Variants in ZPBP observed in about 807,000 individuals in gnomAD.
The protein encoded by ZPBP is zona pellucida-binding protein 1.
A neutral mutation model predicts 44.8 loss-of-function variants in ZPBP; 26 were observed. The ratio of observed to expected loss-of-function variants is 0.58; its 90% CI spans 0.43 to 0.81. The LOEUF (loss-of-function observed/expected upper bound fraction) is 0.81, where lower values mean the gene tolerates loss of function less well. Ranked by LOEUF, ZPBP falls within the 30% of genes least tolerant of loss-of-function variation. The probability of loss-of-function intolerance (pLI) is 0.00; values close to 1 mark genes in which losing one functional copy is unlikely to be tolerated. For synonymous variants in ZPBP, 174 were observed against 153.2 expected (o/e 1.14, Z -1.00); for missense variants, 409 against 434.0 (o/e 0.94, Z 0.51).
chr7:49,847,107 G>A (rs986517990), downstream of ZPBP, among the ~76,000 whole-genome samples: 11 of 152,156 alleles, frequency 7.2e-5, no homozygotes, highest in African/African-American at 2.6e-4. Context: ...GCAAGCTGTA[G>A]AGAGGGACTT....
intron 6 of ZPBP, among the ~76,000 whole-genome samples, chr7:50,008,066 G>GA (rs1296125407): frequency 6.6e-6 from 1 of 151,740 alleles, no homozygotes; most frequent in African/African-American, 2.4e-5. Context: ...AACTATATAG[G>GA]AAAAAATAAA....
intron 7 of ZPBP, among the ~76,000 whole-genome samples, chr7:49,949,745 A>C (rs1055846890): frequency 6.6e-6 from 1 of 152,052 alleles, no homozygotes; most frequent in Non-Finnish European, 1.5e-5. Context: ...AGTTAATGCC[A>C]CTGTGTATTT....
chr7:49,990,671 A>G (rs1056022468), intron 6 of ZPBP, among the ~76,000 whole-genome samples: 3 of 152,224 alleles, frequency 2.0e-5, no homozygotes, highest in South Asian at 4.1e-4. Context: ...GAAACAAAAA[A>G]AAAACTGTTA....
At chr7:49,952,111 T>C (rs938729915) in intron 7 of ZPBP, among the ~76,000 whole-genome samples, 3 of 151,892 alleles carry the variant, frequency 2.0e-5, no homozygotes, top group Non-Finnish European at 4.4e-5. Flanking sequence ...GGTTTCCTTT[T>C]TGAAGTGATA....
chr7:49,991,369 C>T (rs562163863), intron 6 of ZPBP, among the ~76,000 whole-genome samples: 15 of 151,882 alleles, frequency 9.9e-5, no homozygotes, highest in East Asian at 1.9e-4. Flanking sequence ...CTGAATTAGG[C>T]GGAGATATAT....
intron 1 of ZPBP, among the ~76,000 whole-genome samples, chr7:49,926,246 T>C (rs1443148419): frequency 6.6e-6 from 1 of 152,144 alleles, no homozygotes; most frequent in Admixed American, 6.5e-5. Context: ...TGTCCTTGAG[T>C]CCTCTTGTGG....
intron 3 of ZPBP, among the ~76,000 whole-genome samples, chr7:50,058,865 T>C (rs1352527111): frequency 2.1e-5 from 1 of 47,564 alleles, no homozygotes; most frequent in Non-Finnish European, 4.9e-5. Flanking sequence ...TTTAGAGGCA[T>C]TGACACTTGG....
At position 49,879,691 on chromosome 7, in the gene ZPBP, T is replaced by C. The variant is rs574370897; in HGVS notation, n.509+21427A>G. On this transcript the variant is annotated intron_variant and non_coding_transcript_variant, in intron 2 of 2. Coordinates refer to the ZPBP transcript ENST00000465922. Reference sequence around the variant, plus strand: ...TTTGTGATATTTAATCTCTCCATCCTAGTACATAGTAATTCTTTCTCTTTG... The same window carrying C: ...TTTGTGATATTTAATCTCTCCATCCCAGTACATAGTAATTCTTTCTCTTTG... 3.9e-5 allele frequency among the ~76,000 whole-genome samples: 6 copies of C among 152,268 alleles called. No individual in the cohort carries two copies. The East Asian group carries it at 1.2e-3, about 29-fold the overall frequency.
intron 6 of ZPBP, among the ~76,000 whole-genome samples, chr7:49,994,713 C>A (rs1446984347): frequency 6.6e-6 from 1 of 152,148 alleles, no homozygotes; most frequent in Admixed American, 6.5e-5. Context: ...CATATTAGGG[C>A]CTGTCAAGGG....
At chr7:50,045,742 A>G (rs999900791) in intron 4 of ZPBP, among the ~76,000 whole-genome samples, 1 of 152,232 alleles carries the variant, frequency 6.6e-6, no homozygotes, top group African/African-American at 2.4e-5. Flanking sequence ...TATAGATTCA[A>G]TGCTATCCCC....
chr7:49,975,809 A>G (rs1478573791), intron 7 of ZPBP, among the ~76,000 whole-genome samples: 1 of 152,112 alleles, frequency 6.6e-6, no homozygotes, highest in African/African-American at 2.4e-5. Flanking sequence ...GTATCTCAGG[A>G]GAAGAGGCAG....
intron 6 of ZPBP, among the ~76,000 whole-genome samples, chr7:49,987,115 C>T (rs894108931): frequency 8.5e-5 from 13 of 152,138 alleles, no homozygotes; most frequent in Admixed American, 5.9e-4. Flanking sequence ...CTCCACGAAC[C>T]ACCTTGAATT....
At chr7:49,897,000 A>C (rs1274826459) in intron 2 of ZPBP, among the ~76,000 whole-genome samples, 1 of 146,230 alleles carries the variant, frequency 6.8e-6, no homozygotes, top group Non-Finnish European at 1.5e-5. Flanking sequence ...GGTTCACGCC[A>C]TTCTCCTGCC....
intron 2 of ZPBP, among the ~76,000 whole-genome samples, chr7:49,851,076 C>T (rs969800250): frequency 2.6e-5 from 4 of 152,196 alleles, no homozygotes; most frequent in Admixed American, 1.3e-4. Context: ...TCTGGAGGTT[C>T]CGACGGCTGC....
chr7:49,897,147 G>A (rs930206440), intron 2 of ZPBP, among the ~76,000 whole-genome samples: 1 of 151,550 alleles, frequency 6.6e-6, no homozygotes, highest in Non-Finnish European at 1.5e-5. Context: ...CACCCGCCTC[G>A]GCCTCCCAAA....
chr7:49,983,135 G>A (rs1321648216), intron 7 of ZPBP, among the ~76,000 whole-genome samples: 1 of 151,814 alleles, frequency 6.6e-6, no homozygotes, highest in Non-Finnish European at 1.5e-5. Flanking sequence ...AAACTCCCTT[G>A]CTGTAATATT....
chr7:49,878,983 G>T (rs1251089241), intron 2 of ZPBP, among the ~76,000 whole-genome samples: 1 of 152,106 alleles, frequency 6.6e-6, no homozygotes, highest in East Asian at 1.9e-4. Flanking sequence ...GTCTTCCCAC[G>T]ATATTCTTTA....
At chr7:49,845,268 G>A in the ZPBP span, among the ~76,000 whole-genome samples, 151 of 151,000 alleles carry the variant, frequency 1.0e-3, 1 homozygote, top group African/African-American at 3.7e-3. Flanking sequence ...CACTGCACAT[G>A]TACCCTGGAA....
At chr7:50,007,390 G>A (rs927872526) in intron 6 of ZPBP, among the ~76,000 whole-genome samples, 7 of 151,900 alleles carry the variant, frequency 4.6e-5, no homozygotes, top group African/African-American at 1.7e-4. Flanking sequence ...AATTGAATCA[G>A]TAACAAAAAA....
Sources: gnomAD v4.1 joint callset for allele counts (sites outside exome capture counted in the v4.1 genomes callset) on GRCh38, gnomAD v4.1.1 for gene constraint, MANE v1.5 for transcripts, NCBI Gene and HGNC (gene_info 2026-07-23, HGNC 2026-07-21) for gene names.